Variants in CACNA2D1 observed in about 807,000 individuals in gnomAD.
The protein encoded by CACNA2D1 is calcium voltage-gated channel auxiliary subunit alpha2delta 1.
Under a neutral mutation model 171.5 loss-of-function variants are expected in CACNA2D1, and 53 were observed. That is an observed-to-expected ratio of 0.31 (90% CI 0.25 to 0.39). The LOEUF (loss-of-function observed/expected upper bound fraction) is 0.39, where lower values mean the gene tolerates loss of function less well. CACNA2D1 is among the 10% of genes least tolerant of loss of function. The pLI, the probability that CACNA2D1 is intolerant of heterozygous loss-of-function variation, is 1.00. For synonymous variants in CACNA2D1, 442 were observed against 443.1 expected, an observed-to-expected ratio of 1.00 and a Z score of 0.03; for missense variants, 903 against 1,299.8, an observed-to-expected ratio of 0.69 and a Z score of 4.69.
intron 3 of CACNA2D1, among the ~76,000 whole-genome samples, chr7:82,265,416 CT>C (rs765047961): frequency 0.027 from 2,107 of 77,308 alleles, 26 homozygotes; most frequent in African/African-American, 0.053. Context: ...TTTTTCCTTT[CT>C]TTTTTTTTTT....
rs187314441 is a variant in CACNA2D1, at chr7:82,058,412, C to T, written c.879+2016G>A. Among the ~76,000 whole-genome samples the T allele has an allele frequency of 2.0e-3, 304 of 152,212 alleles. 2 individuals carry two copies. Among genetic ancestry groups the T allele is most frequent in the African/African-American group, 7.1e-3 (293 of 41,554 alleles). On this transcript the variant is annotated intron_variant, in intron 10 of 38. Transcript: ENST00000356860. ...ACTGGATTTAAGACTTTCTCTTTTG[C>T]TATGCCACAGATAGTATTTTTAAAG...
intron 1 of CACNA2D1, among the ~76,000 whole-genome samples, chr7:82,429,533 C>T (rs1440373311): frequency 6.6e-6 from 1 of 152,148 alleles, no homozygotes; most frequent in African/African-American, 2.4e-5. Context: ...AAATCCAAGA[C>T]TTGCAACCTT....
intron 24 of CACNA2D1, among the ~76,000 whole-genome samples, chr7:81,975,100 A>G (rs1254453890): frequency 6.6e-6 from 1 of 152,062 alleles, no homozygotes; most frequent in Non-Finnish European, 1.5e-5. Context: ...TGAAATCTGA[A>G]TAATATCAGT....
chr7:82,092,370 A>C (rs1811273195), intron 6 of CACNA2D1, among the ~76,000 whole-genome samples: 2 of 151,776 alleles, frequency 1.3e-5, no homozygotes, highest in South Asian at 4.2e-4. Flanking sequence ...ATAGTACTTC[A>C]CAGTCATTTT....
intron 1 of CACNA2D1, among the ~76,000 whole-genome samples, chr7:82,408,033 T>A (rs1827247201): frequency 6.6e-6 from 1 of 151,526 alleles, no homozygotes; most frequent in African/African-American, 2.4e-5. Context: ...TTTTTTTTTT[T>A]TTTTTGAGAC....
intron 1 of CACNA2D1, among the ~76,000 whole-genome samples, chr7:82,367,986 T>A (rs76065766): frequency 0.15 from 22,140 of 151,890 alleles, 1,788 homozygotes; most frequent in South Asian, 0.27. Flanking sequence ...AATAAAAGGA[T>A]CACTGTTTCC....
chr7:81,988,625 G>A (rs1295519286), intron 21 of CACNA2D1, among the ~76,000 whole-genome samples: 1 of 152,176 alleles, frequency 6.6e-6, no homozygotes, highest in African/African-American at 2.4e-5. Flanking sequence ...TGTAGTTAAA[G>A]AGACTTCCGT....
At chr7:81,970,558 A>G (rs1795162626) in intron 27 of CACNA2D1, 117 bp downstream of exon 27, 2 of 741,502 alleles carry the variant, frequency 2.7e-6, no homozygotes, top group Admixed American at 1.8e-5. Flanking sequence ...AATGGCTCCA[A>G]TGTAATCTAA....
At position 82,349,738 on chromosome 7, in the gene CACNA2D1, T is replaced by A. The variant is rs557752318; in HGVS notation, c.96-89A>T. 11 of 1,016,368 alleles carry A rather than the reference T, an allele frequency of 1.1e-5. No individual in the cohort carries two copies. In the African/African-American group the frequency reaches 1.7e-4, roughly 16 times the overall value. The allele number at this position is 1,016,368 out of a possible 1,614,324, so 63.0% of individuals were successfully genotyped here. A position where few individuals can be genotyped will look rare whatever the true frequency, so the allele number is the denominator to read the frequency against. The stretch of plus-strand genomic sequence containing the variant: ...ATTTTATATCCACGCTACAGATAAT[T>A]CATTAAAATGCCCTTAAATTATTCC... On this transcript the variant is annotated intron_variant, in intron 1 of 38. Coordinates refer to ENST00000356860, the MANE Select transcript of CACNA2D1 (RefSeq NM_000722.4).
chr7:82,395,739 C>T (rs916441106), intron 1 of CACNA2D1, among the ~76,000 whole-genome samples: 1 of 152,080 alleles, frequency 6.6e-6, no homozygotes, highest in African/African-American at 2.4e-5. Context: ...CACTTCAGAC[C>T]ATGGTCAATG....
chr7:82,395,525 T>C (rs1053380420), intron 1 of CACNA2D1, among the ~76,000 whole-genome samples: 2 of 152,238 alleles, frequency 1.3e-5, no homozygotes, highest in African/African-American at 4.8e-5. Context: ...TATAAGCATG[T>C]AAGGCACTTC....
At chr7:81,993,107 A>C (rs1797711189) in intron 20 of CACNA2D1, among the ~76,000 whole-genome samples, 1 of 152,202 alleles carries the variant, frequency 6.6e-6, no homozygotes, top group Non-Finnish European at 1.5e-5. Context: ...TAAAAATTTG[A>C]TTCATATAAT....
intron 2 of CACNA2D1, among the ~76,000 whole-genome samples, chr7:82,342,039 G>A (rs1348066155): frequency 1.6e-5 from 2 of 124,318 alleles, no homozygotes; most frequent in East Asian, 2.4e-4. Context: ...GGGCTACAGC[G>A]CGAGACTCCG....
At position 82,278,049 on chromosome 7, in the gene CACNA2D1, T is replaced by C. The variant is rs569072966; in HGVS notation, c.294+57086A>G. On this transcript the variant is annotated intron_variant, in intron 3 of 38. Coordinates refer to ENST00000356860, the MANE Select transcript of CACNA2D1 (RefSeq NM_000722.4). ...GGTGTGAGTCACCACACCCAGCCTA[T>C]AACTGAATTTTTAAAAAATAATTTT... 1.4e-4 allele frequency among the ~76,000 whole-genome samples: 22 copies of C among 152,166 alleles called. 1 individual carries two copies. The East Asian group carries it at 4.1e-3, about 28-fold the overall frequency.
intron 3 of CACNA2D1, among the ~76,000 whole-genome samples, chr7:82,201,432 G>T (rs1357356622): frequency 1.3e-5 from 2 of 152,048 alleles, no homozygotes; most frequent in Non-Finnish European, 2.9e-5. Context: ...AATACATTAG[G>T]TGTCTGGATA....
chr7:82,193,110 C>T (rs1798504132), intron 3 of CACNA2D1, among the ~76,000 whole-genome samples: 2 of 151,826 alleles, frequency 1.3e-5, no homozygotes, highest in Admixed American at 6.6e-5. Flanking sequence ...AAGGATTTAG[C>T]CGAAGCTTTA....
chr7:82,261,294 A>G (rs1207164497), intron 3 of CACNA2D1, among the ~76,000 whole-genome samples: 1 of 152,162 alleles, frequency 6.6e-6, no homozygotes, highest in Non-Finnish European at 1.5e-5. Flanking sequence ...CCTGGATGCT[A>G]TAGAAGACAC....
intron 4 of CACNA2D1, among the ~76,000 whole-genome samples, chr7:82,164,148 T>G (rs1002200351): frequency 6.6e-6 from 1 of 152,064 alleles, no homozygotes; most frequent in East Asian, 1.9e-4. Flanking sequence ...AAATTTTCAT[T>G]ATCTCCACAG....
At chr7:82,228,083 T>C (rs1438707941) in intron 3 of CACNA2D1, among the ~76,000 whole-genome samples, 2 of 152,130 alleles carry the variant, frequency 1.3e-5, no homozygotes, top group African/African-American at 4.8e-5. Context: ...TTTTTGCAGA[T>C]GTAATTAAGG....
Sources: gnomAD v4.1 joint callset for allele counts (sites outside exome capture counted in the v4.1 genomes callset) on GRCh38, gnomAD v4.1.1 for gene constraint, MANE v1.5 for transcripts, NCBI Gene and HGNC (gene_info 2026-07-23, HGNC 2026-07-21) for gene names.